Variants in CFTR observed in about 807,000 individuals in gnomAD.
CFTR encodes cystic fibrosis transmembrane conductance regulator.
In CFTR, 181 loss-of-function variants were observed where a neutral mutation model predicts 171.6. That is an observed-to-expected ratio of 1.05 (90% confidence interval 0.93 to 1.19). The LOEUF is 1.19. Among genes scored for constraint, CFTR ranks in the 50% most tolerant of loss-of-function variants. CFTR has a pLI of 0.00. For synonymous variants in CFTR, 583 were observed against 608.0 expected (o/e 0.96, Z 0.60); for missense variants, 1,968 against 1,734.7 (o/e 1.13, Z -2.39).
intron 1 of CFTR, among the ~76,000 whole-genome samples, chr7:117,484,773 A>G (rs920278941): frequency 6.6e-6 from 1 of 151,544 alleles, no homozygotes; most frequent in Non-Finnish European, 1.5e-5. Context: ...AATTTTGCAA[A>G]TTTTAAAAAG....
intron 21 of CFTR, among the ~76,000 whole-genome samples, chr7:117,624,378 T>C (rs1163484945): frequency 4.6e-5 from 7 of 152,152 alleles, no homozygotes; most frequent in Admixed American, 4.6e-4. Context: ...GAGCTCTCGC[T>C]TGCTGACCCT....
At chr7:117,502,435 G>A (rs1798346573) in intron 1 of CFTR, among the ~76,000 whole-genome samples, 1 of 152,088 alleles carries the variant, frequency 6.6e-6, no homozygotes, top group South Asian at 2.1e-4. Context: ...CTAAATACAC[G>A]GGTTTTTATT....
At chr7:117,535,681 C>T (rs571324948) in intron 6 of CFTR, among the ~76,000 whole-genome samples, 2 of 151,962 alleles carry the variant, frequency 1.3e-5, no homozygotes, top group African/African-American at 4.8e-5. Flanking sequence ...ATTAGAGGCG[C>T]ATGCCACCAC....
intron 9 of CFTR, among the ~76,000 whole-genome samples, chr7:117,547,419 G>T (rs867924807): frequency 1.3e-5 from 2 of 152,052 alleles, no homozygotes; most frequent in Middle Eastern, 6.8e-3. Flanking sequence ...GGTTCTTATT[G>T]TCAAGTCAAT....
Position 117,667,095 on chromosome 7 carries a change from A to T in CFTR, c.4430A>T (p.Asp1477Val). The change falls in exon 27 of 27, where the codon GAT (aspartate) becomes GTT (valine). Residue 1477 changes from aspartate (D) to valine (V), a missense_variant. Physicochemically the swap from Asp to Val is radical, Grantham distance 152 (BLOSUM62 -3). Transcript: ENST00000003084. ...GAGGAGACAGAAGAAGAGGTGCAAG[A>T]TACAAGGCTTTAGAGAGCAGCATAA... ...LKEETEEEVQ[D>V]TRL 6 of 1,613,954 alleles carry T rather than the reference A, an allele frequency of 3.7e-6. No homozygotes were observed. Among genetic ancestry groups the T allele is most frequent in the Non-Finnish European group, 5.1e-6 (6 of 1,179,906 alleles).
chr7:117,570,072 A>G (rs1255360491), intron 11 of CFTR, among the ~76,000 whole-genome samples: 3 of 152,006 alleles, frequency 2.0e-5, no homozygotes, highest in Non-Finnish European at 4.4e-5. Context: ...TCCTGGTGTC[A>G]TAAGCTACTC....
At chr7:117,598,779 A>G (rs1003804510) in intron 15 of CFTR, among the ~76,000 whole-genome samples, 5 of 152,200 alleles carry the variant, frequency 3.3e-5, no homozygotes, top group Non-Finnish European at 1.5e-5. Context: ...TATTAACACC[A>G]TGAAACTGAG....
At chr7:117,579,562 TTTATG>T (rs1279378165) in intron 11 of CFTR, among the ~76,000 whole-genome samples, 1 of 151,586 alleles carries the variant, frequency 6.6e-6, no homozygotes, top group Non-Finnish European at 1.5e-5. Flanking sequence ...CTTCTTATTA[TTTATG>T]TTATTAGTAT....
At chr7:117,481,355 T>C (rs570277428) in intron 1 of CFTR, among the ~76,000 whole-genome samples, 54 of 152,348 alleles carry the variant, frequency 3.5e-4, no homozygotes, top group Admixed American at 3.5e-3. Context: ...AAAATGTTAA[T>C]TGGCATAAAT....
chr7:117,540,614 A>C (rs766212151), intron 8 of CFTR, among the ~76,000 whole-genome samples: 1 of 152,240 alleles, frequency 6.6e-6, no homozygotes, highest in African/African-American at 2.4e-5. Context: ...GCTTTGAGAA[A>C]TTCTAAAGTT....
chr7:117,552,963 C>T (rs1799296779), intron 10 of CFTR, among the ~76,000 whole-genome samples: 1 of 152,052 alleles, frequency 6.6e-6, no homozygotes, highest in Non-Finnish European at 1.5e-5. Flanking sequence ...AGGGTGAAGT[C>T]TTTAGTAAAT....
At chr7:117,613,785 A>C (rs1792440811) in intron 20 of CFTR, among the ~76,000 whole-genome samples, 1 of 152,048 alleles carries the variant, frequency 6.6e-6, no homozygotes, top group African/African-American at 2.4e-5. Flanking sequence ...CAATTGTAGA[A>C]TCTTTTGACA....
At position 117,498,816 on chromosome 7, in the gene CFTR, GT is replaced by G. The variant is rs772063224; in HGVS notation, c.54-5422del. ...TTTCCTCTGCCTGTCTTCAACATTT[GT>G]TTTTTTTTTTTTTTGGTTAGGACTA... is the stretch of plus-strand genomic sequence containing the variant. On this transcript the variant is annotated intron_variant, in intron 1 of 26. Coordinates refer to ENST00000003084, the MANE Select transcript of CFTR (RefSeq NM_000492.4). 2.5e-3 allele frequency among the ~76,000 whole-genome samples: 304 copies of G among 121,296 alleles called. 1 individual carries two copies. The highest frequency in any genetic ancestry group is 2.8e-3 in the Admixed American group (34 of 12,202). 79.6% of individuals were successfully genotyped at this position (121,296 alleles called of 152,430 possible). A position where few individuals can be genotyped will look rare whatever the true frequency, so the allele number is the denominator to read the frequency against.
chr7:117,587,144 A>C (rs1231107937), intron 11 of CFTR, among the ~76,000 whole-genome samples: 1 of 152,148 alleles, frequency 6.6e-6, no homozygotes, highest in Non-Finnish European at 1.5e-5. Context: ...GGGCAGAATG[A>C]ATGGAGAGAG....
At chr7:117,532,077 T>TAAA (rs563899488) in intron 4 of CFTR, among the ~76,000 whole-genome samples, 1 of 138,394 alleles carries the variant, frequency 7.2e-6, no homozygotes, top group African/African-American at 2.7e-5. Flanking sequence ...AGGCAGAAGT[T>TAAA]AAAAAAAAAA....
At chr7:117,581,729 T>G (rs1323304974) in intron 11 of CFTR, among the ~76,000 whole-genome samples, 1 of 152,118 alleles carries the variant, frequency 6.6e-6, no homozygotes, top group African/African-American at 2.4e-5. Context: ...GTTTTGTATT[T>G]TGTTTAAAGT....
rs903802998 is a variant in CFTR, at chr7:117,659,857, T to G, written c.3964-4831T>G. ...AAACAGAGTATCAAAAGGAGTTGAC[T>G]GTATCTATTTTTATAACTGCCACTT... is the stretch of plus-strand genomic sequence containing the variant. On this transcript the variant is annotated intron_variant, in intron 24 of 26. Transcript: ENST00000003084. 2.6e-5 allele frequency among the ~76,000 whole-genome samples: 4 copies of G among 152,190 alleles called. 1 individual carries two copies. Among genetic ancestry groups the G allele is most frequent in the African/African-American group, 9.7e-5 (4 of 41,436 alleles).
chr7:117,593,752 T>C (rs928429307), intron 14 of CFTR, among the ~76,000 whole-genome samples: 11 of 152,022 alleles, frequency 7.2e-5, no homozygotes, highest in African/African-American at 2.7e-4. Flanking sequence ...TGCACCACCA[T>C]GCCGAGCTAA....
intron 12 of CFTR, 30 bp downstream of exon 12, chr7:117,587,863 A>G (rs1406757644): frequency 7.8e-7 from 1 of 1,278,250 alleles, no homozygotes; most frequent in South Asian, 1.2e-5. Context: ...TCTAGCAAGC[A>G]TTTGCTGTAA....
Sources: gnomAD v4.1 joint callset for allele counts (sites outside exome capture counted in the v4.1 genomes callset) on GRCh38, gnomAD v4.1.1 for gene constraint, MANE v1.5 for transcripts, NCBI Gene and HGNC (gene_info 2026-07-23, HGNC 2026-07-21) for gene names.